The following UXS1 variants were observed in gnomAD, a reference collection of about 807,000 sequenced individuals.
UXS1 encodes the protein UDP-glucuronate decarboxylase 1, also known as UDP-glucuronic acid decarboxylase 1.
Under a neutral mutation model 62.6 loss-of-function variants are expected in UXS1, and 33 were observed. The ratio of observed to expected loss-of-function variants is 0.53; its 90% confidence interval spans 0.40 to 0.70. UXS1 has a LOEUF of 0.70. UXS1 is among the 30% of genes least tolerant of loss of function. UXS1 has a pLI of 0.00. For missense variants in UXS1, 434 were observed against 556.3 expected, an observed-to-expected ratio of 0.78 and a Z score of 2.21; for synonymous variants, 213 against 206.8, an observed-to-expected ratio of 1.03 and a Z score of -0.26.
At position 106,125,643 on chromosome 2, in the gene UXS1, G is replaced by A; in HGVS notation, c.614C>T (p.Ala205Val). The A allele has an allele frequency of 6.3e-7, 1 of 1,579,754 alleles. No homozygotes were observed. Among genetic ancestry groups the A allele is most frequent in the African/African-American group, 1.3e-5 (1 of 74,258 alleles). The change falls in exon 8 of 15, where the codon GCC becomes GTC. Residue 205 changes from alanine (A) to valine (V), a missense_variant. By Grantham distance (64) the Ala-to-Val change is moderately conservative. Transcript: ENST00000283148. ...AKRVGARLLL[A>V]STSEVYGDPE... ...ACCTCCATACACCTCCGATGTGGAG[G>A]CCAGGAGCAGACGGGCACCGACTCG...
intron 4 of UXS1, among the ~76,000 whole-genome samples, chr2:106,159,836 C>A (rs752706900): frequency 1.3e-5 from 2 of 152,176 alleles, no homozygotes; most frequent in Non-Finnish European, 2.9e-5. Flanking sequence ...AAGCCCTGAG[C>A]GTGCTTAAAT....
chr2:106,108,086 A>C (rs561995734), intron 10 of UXS1, among the ~76,000 whole-genome samples: 1 of 152,368 alleles, frequency 6.6e-6, no homozygotes, highest in East Asian at 1.9e-4. Flanking sequence ...ATGCAATGTC[A>C]GTGGCAGCCT....
chr2:106,118,248 T>G, intron 9 of UXS1, among the ~76,000 whole-genome samples: 1 of 149,988 alleles, frequency 6.7e-6, no homozygotes, highest in East Asian at 2.0e-4. Flanking sequence ...CCAACTCAGG[T>G]AGAATATATA....
intron 9 of UXS1, among the ~76,000 whole-genome samples, chr2:106,117,452 C>G (rs1161358010): frequency 6.6e-6 from 1 of 152,174 alleles, no homozygotes; most frequent in Non-Finnish European, 1.5e-5. Flanking sequence ...CTATGTCCTT[C>G]TGCTTAAAGT....
At chr2:106,167,347 C>G (rs193194860) in intron 1 of UXS1, among the ~76,000 whole-genome samples, 1 of 152,120 alleles carries the variant, frequency 6.6e-6, no homozygotes, top group Non-Finnish European at 1.5e-5. Context: ...CGAGGAAGAA[C>G]AGAGAGATTA....
intron 9 of UXS1, among the ~76,000 whole-genome samples, chr2:106,115,241 G>A (rs1361378181): frequency 1.3e-5 from 2 of 152,152 alleles, no homozygotes; most frequent in African/African-American, 4.8e-5. Flanking sequence ...TCCTAAGAAG[G>A]GAAGAACCAG....
At position 106,112,709 on chromosome 2, in the gene UXS1, G is replaced by A. The variant is rs1678719400; in HGVS notation, c.816C>T (p.His272=). 2.5e-6 allele frequency: 4 copies of A among 1,614,058 alleles called. No homozygotes were observed. The highest frequency in any genetic ancestry group is 3.4e-6 in the Non-Finnish European group (4 of 1,179,900). Reference sequence around the variant, plus strand: ...TGCTGACTACTCGCCCATCGTTCATGTGCATGCGTGGCCCAAAGGTGTTGA... The same window carrying A: ...TGCTGACTACTCGCCCATCGTTCATATGCATGCGTGGCCCAAAGGTGTTGA... ...RIFNTFGPRM[H]MNDGRVVSNF... The change falls in exon 10 of 15, where the codon CAC becomes CAT. Residue 272 remains histidine, a synonymous_variant. Coordinates refer to ENST00000283148, the MANE Select transcript of UXS1 (RefSeq NM_001253875.2).
intron 2 of UXS1, 32 bp from the exon 3 acceptor site, chr2:106,164,831 T>A: frequency 1.3e-6 from 2 of 1,514,722 alleles, no homozygotes; most frequent in Non-Finnish European, 1.8e-6. Flanking sequence ...AAAGGCTTTG[T>A]GACTTTAAGA....
At chr2:106,151,410 C>T (rs560171308) in intron 5 of UXS1, among the ~76,000 whole-genome samples, 1 of 152,168 alleles carries the variant, frequency 6.6e-6, no homozygotes, top group East Asian at 1.9e-4. Context: ...GAGGGCCCCA[C>T]CCTCATGAAT....
At chr2:106,117,845 C>T (rs544774331) in intron 9 of UXS1, among the ~76,000 whole-genome samples, 14 of 152,234 alleles carry the variant, frequency 9.2e-5, no homozygotes, top group Non-Finnish European at 2.1e-4. Context: ...AAAACTAAGG[C>T]GACTGCAGAA....
At chr2:106,150,185 G>A (rs1681895977) in intron 5 of UXS1, among the ~76,000 whole-genome samples, 1 of 152,034 alleles carries the variant, frequency 6.6e-6, no homozygotes, top group African/African-American at 2.4e-5. Flanking sequence ...AGTAAAACAA[G>A]GGAAGAGAAA....
rs570934236 is a variant in UXS1, at chr2:106,143,183, C to T, written c.472+2007G>A. ...ATCATTTGGGGGAGGTCAAGGTGGG[C>T]GGATCATGAGGGCAGGAGATGGAGA... On this transcript the variant is annotated intron_variant, in intron 6 of 14. Transcript: ENST00000283148. Among the ~76,000 whole-genome samples the T allele has an allele frequency of 7.4e-4, 112 of 150,532 alleles. 1 individual carries two copies. Among genetic ancestry groups the T allele is most frequent in the Middle Eastern group, 3.4e-3 (1 of 292 alleles).
intron 9 of UXS1, among the ~76,000 whole-genome samples, chr2:106,121,678 G>GT (rs1357925820): frequency 2.0e-5 from 3 of 152,218 alleles, no homozygotes; most frequent in African/African-American, 7.2e-5. Context: ...AGTGGATAAT[G>GT]TAAGCCAACA....
intron 9 of UXS1, among the ~76,000 whole-genome samples, chr2:106,119,581 CT>C (rs1234855275): frequency 2.0e-5 from 3 of 152,222 alleles, no homozygotes; most frequent in South Asian, 4.1e-4. Context: ...ACAATGTCAC[CT>C]CCAGACAGTG....
At chr2:106,145,066 C>G in intron 6 of UXS1, 124 bp downstream of exon 6, 3 of 1,122,322 alleles carry the variant, frequency 2.7e-6, no homozygotes, top group Non-Finnish European at 2.5e-6. Context: ...TGAGACATTT[C>G]AAAAATAAAA....
At position 106,145,164 on chromosome 2, in the gene UXS1, A is replaced by G. The variant is rs142298033; in HGVS notation, c.472+26T>C. 9.0e-4 allele frequency: 1,448 copies of G among 1,605,950 alleles called. 6 individuals carry two copies. In the Middle Eastern group the frequency reaches 0.019, roughly 22 times the overall value. ...CAAGGCCACCTGCGGAGCTCTGAAT[A>G]ATAACAATGTGCAGTTTTCACTCAC... On this transcript the variant is annotated intron_variant, in intron 6 of 14. Transcript: ENST00000283148.
intron 6 of UXS1, among the ~76,000 whole-genome samples, chr2:106,143,823 C>T (rs1681345372): frequency 6.6e-6 from 1 of 152,210 alleles, no homozygotes; most frequent in Non-Finnish European, 1.5e-5. Context: ...AGGTCAGGTC[C>T]CTTGCACACT....
At chr2:106,173,316 C>T (rs906526506) in intron 1 of UXS1, among the ~76,000 whole-genome samples, 4 of 152,120 alleles carry the variant, frequency 2.6e-5, no homozygotes, top group Admixed American at 6.5e-5. Context: ...AATCCCAGCA[C>T]TTTGGGAGTG....
intron 1 of UXS1, chr2:106,183,907 T>TCTGG (rs1262863522): frequency 6.6e-6 from 1 of 152,202 alleles, no homozygotes; most frequent in Non-Finnish European, 1.5e-5. Context: ...AAAGGGATGA[T>TCTGG]CTGGCCAGGC....
Sources: gnomAD v4.1 joint callset for allele counts (sites outside exome capture counted in the v4.1 genomes callset) on GRCh38, gnomAD v4.1.1 for gene constraint, MANE v1.5 for transcripts, NCBI Gene and HGNC (gene_info 2026-07-23, HGNC 2026-07-21) for gene names.